ADAMTS17: variants seen among roughly 807,000 people sequenced by gnomAD.
ADAMTS17 encodes the protein ADAM metallopeptidase with thrombospondin type 1 motif 17.
ADAMTS17 carries 113 observed loss-of-function variants against 141.5 expected under a neutral mutation model. That is an observed-to-expected ratio of 0.80 (90% CI 0.69 to 0.93). The LOEUF (loss-of-function observed/expected upper bound fraction) is 0.93, where lower values mean the gene tolerates loss of function less well. ADAMTS17 is among the 40% of genes least tolerant of loss of function. The probability of loss-of-function intolerance (pLI) is 0.00; values close to 1 mark genes in which losing one functional copy is unlikely to be tolerated. For synonymous variants in ADAMTS17, 768 were observed against 630.6 expected, an observed-to-expected ratio of 1.22 and a Z score of -3.27; for missense variants, 1,659 against 1,517.9, an observed-to-expected ratio of 1.09 and a Z score of -1.54.
intron 6 of ADAMTS17, among the ~76,000 whole-genome samples, chr15:100,254,568 G>T (rs1046351917): frequency 5.9e-5 from 9 of 152,176 alleles, no homozygotes; most frequent in African/African-American, 1.9e-4. Flanking sequence ...TATTTGGGCA[G>T]CAACTGGTTT....
At chr15:100,317,197 T>C (rs2045592001) in intron 3 of ADAMTS17, among the ~76,000 whole-genome samples, 1 of 152,106 alleles carries the variant, frequency 6.6e-6, no homozygotes, top group African/African-American at 2.4e-5. Context: ...ATGGAGGGAC[T>C]TGGATAAAGA....
At chr15:99,980,083 G>C (rs546754071) in intron 20 of ADAMTS17, 1 of 152,258 alleles carries the variant, frequency 6.6e-6, no homozygotes, top group African/African-American at 2.4e-5. Context: ...CATTTTGGGA[G>C]GCTGCAGTGG....
At chr15:99,983,960 T>C (rs977421120) in intron 20 of ADAMTS17, among the ~76,000 whole-genome samples, 11 of 152,068 alleles carry the variant, frequency 7.2e-5, no homozygotes, top group African/African-American at 2.7e-4. Flanking sequence ...GAGGAAAACC[T>C]CGGAAGCGGT....
chr15:100,337,470 G>T (rs919811602), intron 2 of ADAMTS17, among the ~76,000 whole-genome samples: 2 of 152,194 alleles, frequency 1.3e-5, no homozygotes, highest in Admixed American at 6.5e-5. Context: ...AGTCCTTCAA[G>T]GTGGCCTGGA....
intron 12 of ADAMTS17, among the ~76,000 whole-genome samples, chr15:100,124,272 A>G (rs1296567688): frequency 6.6e-6 from 1 of 152,190 alleles, no homozygotes; most frequent in Non-Finnish European, 1.5e-5. Flanking sequence ...GGCCTGTTCT[A>G]GGACTCCTAA....
chr15:100,264,264 G>C (rs1046533836), intron 4 of ADAMTS17, among the ~76,000 whole-genome samples: 2 of 152,136 alleles, frequency 1.3e-5, no homozygotes, highest in Non-Finnish European at 2.9e-5. Flanking sequence ...GAGGAGGGGG[G>C]AGGCACCCAA....
chr15:100,331,133 A>G (rs996524457), intron 2 of ADAMTS17, 79 bp from the exon 3 acceptor site: 7 of 1,564,310 alleles, frequency 4.5e-6, no homozygotes, highest in Non-Finnish European at 5.2e-6. Flanking sequence ...GGGGCAGGCA[A>G]GACCACCTTG....
intron 18 of ADAMTS17, among the ~76,000 whole-genome samples, chr15:100,023,399 C>T (rs1351952460): frequency 2.6e-5 from 4 of 151,654 alleles, no homozygotes; most frequent in South Asian, 2.1e-4. Flanking sequence ...GTAGAGACGG[C>T]GTTTCACGTT....
At chr15:100,292,278 G>A (rs1213555953) in intron 3 of ADAMTS17, among the ~76,000 whole-genome samples, 1 of 151,562 alleles carries the variant, frequency 6.6e-6, no homozygotes, top group Non-Finnish European at 1.5e-5. Flanking sequence ...CAGCCCGTGA[G>A]AATCTACGAG....
chr15:100,279,307 C>A (rs1004529393), intron 4 of ADAMTS17, among the ~76,000 whole-genome samples: 2 of 152,210 alleles, frequency 1.3e-5, no homozygotes, highest in Non-Finnish European at 2.9e-5. Context: ...TGAGCTCCAG[C>A]GCTCATCACA....
chr15:100,310,832 T>C lies in ADAMTS17; in HGVS notation c.616+20057A>G, dbSNP rs559711227. 5.3e-5 allele frequency among the ~76,000 whole-genome samples: 8 copies of C among 152,318 alleles called. No individual in the cohort carries two copies. The South Asian group carries it at 1.7e-3, about 32-fold the overall frequency. ...TGGATTGAGAAAGGTACCAGCTCCT[T>C]CAGCCCAAAGCCAGTTTGTGCAACC... On this transcript the variant is annotated intron_variant, in intron 3 of 21. Coordinates refer to ENST00000268070, the MANE Select transcript of ADAMTS17 (RefSeq NM_139057.4).
At chr15:100,085,128 C>T (rs1046369657) in intron 15 of ADAMTS17, among the ~76,000 whole-genome samples, 5 of 152,070 alleles carry the variant, frequency 3.3e-5, no homozygotes, top group Admixed American at 1.3e-4. Flanking sequence ...CTAGAATAAC[C>T]AATGCAGAGA....
intron 10 of ADAMTS17, among the ~76,000 whole-genome samples, chr15:100,136,925 G>A (rs2038363596): frequency 6.6e-6 from 1 of 152,218 alleles, no homozygotes; most frequent in African/African-American, 2.4e-5. Flanking sequence ...GGGCTGTGCA[G>A]ATGTCTTTGC....
intron 7 of ADAMTS17, among the ~76,000 whole-genome samples, chr15:100,216,088 C>T (rs2041960265): frequency 6.6e-6 from 1 of 152,236 alleles, no homozygotes; most frequent in South Asian, 2.1e-4. Context: ...CCCTCTGCCA[C>T]TTCCCACCTG....
chr15:100,254,306 G>T lies in ADAMTS17; in HGVS notation c.1032-127C>A, dbSNP rs74440514. ...TTTTCCAGTGGACACAGGCCACAGC[G>T]AATGATAACAAACAGCAGCGTTTGG... On this transcript the variant is annotated intron_variant, in intron 6 of 21. Coordinates refer to ENST00000268070, the MANE Select transcript of ADAMTS17 (RefSeq NM_139057.4). 15 of 855,560 alleles carry T rather than the reference G, an allele frequency of 1.8e-5. No individual in the cohort carries two copies. In the South Asian group the frequency reaches 2.3e-4, roughly 13 times the overall value. 53.0% of individuals were successfully genotyped at this position (855,560 alleles called of 1,614,324 possible).
intron 3 of ADAMTS17, among the ~76,000 whole-genome samples, chr15:100,328,954 T>G (rs2141944822): frequency 6.6e-6 from 1 of 152,290 alleles, no homozygotes; most frequent in Middle Eastern, 3.4e-3. Context: ...CCACTCCCGA[T>G]GGCCCACAGG....
chr15:100,074,728 G>C (rs2034244772), intron 15 of ADAMTS17, among the ~76,000 whole-genome samples: 1 of 151,976 alleles, frequency 6.6e-6, no homozygotes, highest in Admixed American at 6.6e-5. Context: ...TATTATTCTT[G>C]CTTTAATTAG....
chr15:100,149,411 T>C (rs1191071041), intron 10 of ADAMTS17, among the ~76,000 whole-genome samples: 1 of 152,222 alleles, frequency 6.6e-6, no homozygotes, highest in African/African-American at 2.4e-5. Context: ...CCTCGCAGTT[T>C]CCATAAACAA....
At chr15:100,253,075 T>G (rs2043202594) in intron 7 of ADAMTS17, among the ~76,000 whole-genome samples, 1 of 151,956 alleles carries the variant, frequency 6.6e-6, no homozygotes, top group African/African-American at 2.4e-5. Context: ...TATATATTTT[T>G]CACACCTATA....
Sources: allele counts gnomAD v4.1 joint callset (sites outside exome capture counted in the v4.1 genomes callset), GRCh38; gene constraint gnomAD v4.1.1; transcripts MANE v1.5; gene names NCBI Gene and HGNC (gene_info 2026-07-23, HGNC 2026-07-21).